SLC1A1: variants seen among roughly 807,000 people sequenced by gnomAD.
SLC1A1 encodes the protein excitatory amino acid transporter 3.
Under a neutral mutation model 53.3 loss-of-function variants are expected in SLC1A1, and 43 were observed. That is an observed-to-expected ratio of 0.81 (90% confidence interval 0.63 to 1.04). SLC1A1 has a LOEUF of 1.04. Ranked by LOEUF, SLC1A1 falls within the 50% of genes least tolerant of loss-of-function variation. The pLI is 0.00. For synonymous variants in SLC1A1, 307 were observed against 243.2 expected, an observed-to-expected ratio of 1.26 and a Z score of -2.44; for missense variants, 748 against 664.9, an observed-to-expected ratio of 1.12 and a Z score of -1.37.
intron 3 of SLC1A1, 82 bp downstream of exon 3, chr9:4,561,623 G>T: frequency 1.1e-6 from 1 of 875,670 alleles, no homozygotes. Context: ...CAGATGCGGT[G>T]GCTCAGGCCT....
Position 4,564,433 on chromosome 9 carries a change from G to C in SLC1A1, c.415G>C (p.Val139Leu). 1 of 1,612,308 alleles carries C rather than the reference G, an allele frequency of 6.2e-7. No individual in the cohort carries two copies. The highest frequency in any genetic ancestry group is 8.5e-7 in the Non-Finnish European group (1 of 1,178,694). ...RTGSTPEVST[V>L]DAMLDLIRNM... ...AGGCAGCACCCCTGAAGTCAGTACGGTGGATGCCATGTTAGATCTCATCAG... is the reference window on the plus strand; with the variant it reads ...AGGCAGCACCCCTGAAGTCAGTACGCTGGATGCCATGTTAGATCTCATCAG... Residue 139 changes from valine (V) to leucine (L), a missense_variant, in exon 4 of 12, where the codon GTG becomes CTG. Physicochemically the swap from Val to Leu is conservative, Grantham distance 32. Transcript: ENST00000262352.
At chr9:4,536,165 A>G (rs1328419769) in intron 1 of SLC1A1, among the ~76,000 whole-genome samples, 1 of 152,200 alleles carries the variant, frequency 6.6e-6, no homozygotes, top group Non-Finnish European at 1.5e-5. Context: ...CACCAAAAGC[A>G]ATGGCAACAA....
chr9:4,504,919 C>T (rs1038459782), intron 1 of SLC1A1, among the ~76,000 whole-genome samples: 1 of 152,038 alleles, frequency 6.6e-6, no homozygotes, highest in Admixed American at 6.6e-5. Context: ...TTGACCAAAA[C>T]AAGTGGTAAA....
At chr9:4,541,083 C>G (rs1213158303) in intron 1 of SLC1A1, among the ~76,000 whole-genome samples, 3 of 152,316 alleles carry the variant, frequency 2.0e-5, no homozygotes, top group Non-Finnish European at 1.5e-5. Context: ...GTGTCCATTG[C>G]TGGGGCTTTG....
chr9:4,537,276 G>GATACAA (rs1816710989), intron 1 of SLC1A1, among the ~76,000 whole-genome samples: 1 of 109,598 alleles, frequency 9.1e-6, no homozygotes, highest in African/African-American at 3.4e-5. Flanking sequence ...AAAATCACAT[G>GATACAA]CGGCCGGGCG....
rs146482961 is a variant in SLC1A1, at chr9:4,500,760, A to C, written c.91+9990A>C. Among the ~76,000 whole-genome samples, 1,292 of 152,326 alleles carry C rather than the reference A, an allele frequency of 8.5e-3. 12 individuals are homozygous for C. Among genetic ancestry groups the C allele is most frequent in the African/African-American group, 0.028 (1,165 of 41,572 alleles). ...GTGTTTCAGTGACTCACTCTTTTTCAGAAATTTTACTACTTTACTTTGAAA... is the reference window on the plus strand; with the variant it reads ...GTGTTTCAGTGACTCACTCTTTTTCCGAAATTTTACTACTTTACTTTGAAA... On this transcript the variant is annotated intron_variant, in intron 1 of 11. Coordinates refer to ENST00000262352, the MANE Select transcript of SLC1A1 (RefSeq NM_004170.6).
At position 4,540,523 on chromosome 9, in the gene SLC1A1, C is replaced by A. The variant is rs114920351; in HGVS notation, c.92-4044C>A. Among the ~76,000 whole-genome samples the A allele has an allele frequency of 2.7e-3, 414 of 152,300 alleles. 4 individuals carry two copies. The highest frequency in any genetic ancestry group is 9.8e-3 in the African/African-American group (407 of 41,556). ...AAAAGAGCGCTGACTAAAACACATG[C>A]CCTCTGGGCCTTCAGGGGTAATGGG... is the stretch of plus-strand genomic sequence containing the variant. On this transcript the variant is annotated intron_variant, in intron 1 of 11. Coordinates refer to ENST00000262352, the MANE Select transcript of SLC1A1 (RefSeq NM_004170.6).
chr9:4,566,360 G>T (rs1819484990), intron 5 of SLC1A1, among the ~76,000 whole-genome samples: 1 of 152,138 alleles, frequency 6.6e-6, no homozygotes, highest in Admixed American at 6.5e-5. Flanking sequence ...TCAGAAATCT[G>T]TCAAATAATG....
chr9:4,565,984 A>G, intron 4 of SLC1A1, 63 bp from the exon 5 acceptor site: 2 of 1,209,444 alleles, frequency 1.7e-6, no homozygotes, highest in South Asian at 2.4e-5. Flanking sequence ...CTACCAATAT[A>G]TTAGGTATGA....
chr9:4,562,679 G>A (rs545747319), intron 3 of SLC1A1, among the ~76,000 whole-genome samples: 114 of 152,002 alleles, frequency 7.5e-4, no homozygotes, highest in Non-Finnish European at 1.4e-3. Flanking sequence ...TTGGTTTTTT[G>A]TTCTTGCAAT....
At chr9:4,523,119 C>A (rs1021933475) in intron 1 of SLC1A1, among the ~76,000 whole-genome samples, 2 of 152,186 alleles carry the variant, frequency 1.3e-5, no homozygotes, top group Non-Finnish European at 1.5e-5. Context: ...AATACTTCCA[C>A]CTTCCATTGT....
At chr9:4,501,071 C>A (rs376465276) in intron 1 of SLC1A1, among the ~76,000 whole-genome samples, 1 of 152,212 alleles carries the variant, frequency 6.6e-6, no homozygotes, top group African/African-American at 2.4e-5. Context: ...CACTCCCGAG[C>A]CCTTTCTTAG....
intron 10 of SLC1A1, among the ~76,000 whole-genome samples, chr9:4,580,155 C>T (rs1407235623): frequency 6.6e-6 from 1 of 151,682 alleles, no homozygotes; most frequent in Non-Finnish European, 1.5e-5. Context: ...TGCTTGAGCC[C>T]AGGAGGCAGA....
chr9:4,535,419 C>G (rs960986111), intron 1 of SLC1A1, among the ~76,000 whole-genome samples: 2 of 152,118 alleles, frequency 1.3e-5, no homozygotes, highest in Non-Finnish European at 2.9e-5. Context: ...CAATAACAGA[C>G]AAACAGAGAG....
At chr9:4,526,439 T>C (rs1816261846) in intron 1 of SLC1A1, among the ~76,000 whole-genome samples, 1 of 152,140 alleles carries the variant, frequency 6.6e-6, no homozygotes, top group South Asian at 2.1e-4. Flanking sequence ...AAGCACAAAC[T>C]GACGTGAGTA....
At chr9:4,532,474 T>C (rs900547219) in intron 1 of SLC1A1, among the ~76,000 whole-genome samples, 1 of 152,068 alleles carries the variant, frequency 6.6e-6, no homozygotes, top group African/African-American at 2.4e-5. Context: ...TGATGGAAGA[T>C]GAAATGAATG....
chr9:4,511,093 A>C (rs1443086259), intron 1 of SLC1A1, among the ~76,000 whole-genome samples: 1 of 152,210 alleles, frequency 6.6e-6, no homozygotes, highest in Non-Finnish European at 1.5e-5. Flanking sequence ...TTAGTTATTA[A>C]CCACATGGTT....
intron 4 of SLC1A1, among the ~76,000 whole-genome samples, 158 bp downstream of exon 4, chr9:4,564,616 C>A (rs1819306405): frequency 6.6e-6 from 1 of 152,172 alleles, no homozygotes; most frequent in African/African-American, 2.4e-5. Flanking sequence ...AATTACATAG[C>A]CAGTACTGTT....
intron 1 of SLC1A1, among the ~76,000 whole-genome samples, chr9:4,532,659 A>T (rs1158163036): frequency 6.6e-6 from 1 of 152,226 alleles, no homozygotes; most frequent in Non-Finnish European, 1.5e-5. Context: ...ATCCAGGAGA[A>T]CTTCCCCAAC....
Sources: allele counts gnomAD v4.1 joint callset (sites outside exome capture counted in the v4.1 genomes callset), GRCh38; gene constraint gnomAD v4.1.1; transcripts MANE v1.5; gene names NCBI Gene and HGNC (gene_info 2026-07-23, HGNC 2026-07-21).